The following RAD51B variants were observed in gnomAD, a reference collection of about 807,000 sequenced individuals.
RAD51B encodes DNA repair protein RAD51 homolog 2.
In RAD51B, 38 loss-of-function variants were observed where a neutral mutation model predicts 42.2. The observed-to-expected ratio is 0.90, with a 90% CI of 0.70 to 1.18. The LOEUF (loss-of-function observed/expected upper bound fraction) is 1.18, where lower values mean the gene tolerates loss of function less well. Ranked by LOEUF, RAD51B falls within the 50% of genes most tolerant of loss-of-function variation. The pLI is 0.00. For missense variants in RAD51B, 373 were observed against 400.7 expected, an observed-to-expected ratio of 0.93 and a Z score of 0.59; for synonymous variants, 154 against 145.2, an observed-to-expected ratio of 1.06 and a Z score of -0.43.
chr14:67,925,413 C>G (rs1272829547), intron 7 of RAD51B, among the ~76,000 whole-genome samples: 1 of 152,162 alleles, frequency 6.6e-6, no homozygotes, highest in Non-Finnish European at 1.5e-5. Context: ...GCCGGGACTA[C>G]AGGTGCCTGC....
At chr14:68,079,549 A>G (rs780302863) in intron 7 of RAD51B, among the ~76,000 whole-genome samples, 111 of 152,194 alleles carry the variant, frequency 7.3e-4, no homozygotes, top group Non-Finnish European at 1.5e-3. Context: ...GTAGTATATA[A>G]TATTACTAGC....
At chr14:68,095,052 T>C (rs971143885) in intron 7 of RAD51B, among the ~76,000 whole-genome samples, 1 of 152,214 alleles carries the variant, frequency 6.6e-6, no homozygotes, top group African/African-American at 2.4e-5. Flanking sequence ...CGGGTTATTT[T>C]TTATGTTGCT....
chr14:68,236,815 T>C (rs1296324245), intron 7 of RAD51B, among the ~76,000 whole-genome samples: 1 of 152,230 alleles, frequency 6.6e-6, no homozygotes, highest in Non-Finnish European at 1.5e-5. Flanking sequence ...TGCTCAGCTT[T>C]CCCTGGCTGA....
intron 8 of RAD51B, among the ~76,000 whole-genome samples, chr14:68,303,868 G>A (rs1006974461): frequency 2.0e-5 from 3 of 152,126 alleles, no homozygotes; most frequent in Non-Finnish European, 4.4e-5. Context: ...ATGACTTAAA[G>A]TACTAAATGG....
intron 10 of RAD51B, chr14:68,563,566 T>G (rs1048360994): frequency 1.0e-6 from 1 of 985,362 alleles, no homozygotes; most frequent in Admixed American, 6.1e-5. Context: ...ACCAGCCATT[T>G]CTTGTGTGCC....
chr14:67,939,786 A>G (rs1171863053), intron 7 of RAD51B, among the ~76,000 whole-genome samples: 1 of 151,618 alleles, frequency 6.6e-6, no homozygotes, highest in African/African-American at 2.4e-5. Context: ...ATCGAACCCT[A>G]ATTACCTCCC....
intron 10 of RAD51B, among the ~76,000 whole-genome samples, chr14:68,485,287 C>T (rs1264033144): frequency 6.6e-6 from 1 of 152,208 alleles, no homozygotes; most frequent in East Asian, 1.9e-4. Flanking sequence ...CACTGCTCAC[C>T]TCCAGCCCCT....
chr14:68,105,924 G>A (rs1425224847), intron 7 of RAD51B, among the ~76,000 whole-genome samples: 1 of 151,910 alleles, frequency 6.6e-6, no homozygotes, highest in African/African-American at 2.4e-5. Context: ...TGAAATAGAA[G>A]TGGGAAAAAT....
chr14:68,648,112 C>CGTGTGT (rs1555434148), intron 10 of RAD51B, among the ~76,000 whole-genome samples: 2 of 39,510 alleles, frequency 5.1e-5, no homozygotes, highest in East Asian at 2.0e-3. Context: ...TATACACACA[C>CGTGTGT]GTATATATAT....
At chr14:68,417,046 C>A (rs1277538247) in intron 9 of RAD51B, among the ~76,000 whole-genome samples, 1 of 152,100 alleles carries the variant, frequency 6.6e-6, no homozygotes. Context: ...GGCTTATATT[C>A]ATATTCACCC....
Position 68,326,995 on chromosome 14 carries a change from C to T in RAD51B, c.853+35015C>T, listed in dbSNP as rs573237058. On this transcript the variant is annotated intron_variant, in intron 8 of 10. Coordinates refer to ENST00000471583, the MANE Select transcript of RAD51B (RefSeq NM_133510.4). ...TCCTTCAAATCTCCTACCGGTGCAC[C>T]CCAGTGGCCCAACCCAGGAGAGTCC... Among the ~76,000 whole-genome samples, 3 of 152,226 alleles carry T rather than the reference C, an allele frequency of 2.0e-5. No homozygotes were observed. The South Asian group carries it at 6.2e-4, about 32-fold the overall frequency.
At chr14:67,993,441 G>A (rs972876922) in intron 7 of RAD51B, among the ~76,000 whole-genome samples, 3 of 152,180 alleles carry the variant, frequency 2.0e-5, no homozygotes, top group South Asian at 2.1e-4. Context: ...GATAACATGC[G>A]AAGTTTGTAT....
intron 7 of RAD51B, among the ~76,000 whole-genome samples, chr14:67,929,188 C>T (rs894987883): frequency 6.6e-6 from 1 of 151,894 alleles, no homozygotes; most frequent in African/African-American, 2.4e-5. Flanking sequence ...TTAGATTGTT[C>T]ATTTGAAATC....
chr14:68,631,303 C>T (rs990237863), intron 10 of RAD51B, among the ~76,000 whole-genome samples: 2 of 152,130 alleles, frequency 1.3e-5, no homozygotes, highest in African/African-American at 4.8e-5. Flanking sequence ...CACTGTGAGA[C>T]CAGAAATCAG....
At position 68,448,563 on chromosome 14, in the gene RAD51B, T is replaced by G. The variant is rs535365121; in HGVS notation, c.958-19609T>G. On this transcript the variant is annotated intron_variant, in intron 9 of 10. Coordinates refer to ENST00000471583, the MANE Select transcript of RAD51B (RefSeq NM_133510.4). ...ACTCAGTAAATATTTGTTGAATTAA[T>G]ATAACATTAAATAAATCATTCAGTT... Among the ~76,000 whole-genome samples, 7 of 152,370 alleles carry G rather than the reference T, an allele frequency of 4.6e-5. No individual in the cohort carries two copies. In the South Asian group the frequency reaches 1.4e-3, roughly 32 times the overall value.
intron 8 of RAD51B, among the ~76,000 whole-genome samples, chr14:68,327,307 G>A (rs1218946896): frequency 6.6e-6 from 1 of 151,546 alleles, no homozygotes; most frequent in African/African-American, 2.4e-5. Flanking sequence ...GGAGAGGGGT[G>A]AGGGATTGTG....
At chr14:68,508,619 G>T (rs559861423) in intron 10 of RAD51B, among the ~76,000 whole-genome samples, 14 of 152,232 alleles carry the variant, frequency 9.2e-5, no homozygotes, top group Middle Eastern at 6.8e-3. Context: ...GTCTGGAAGG[G>T]TCTCCACCCC....
chr14:68,523,211 G>T (rs991289237), intron 10 of RAD51B, among the ~76,000 whole-genome samples: 2 of 152,166 alleles, frequency 1.3e-5, no homozygotes, highest in East Asian at 3.9e-4. Flanking sequence ...AGTAGAAAGC[G>T]GATACCAGGC....
chr14:68,017,060 T>A (rs976111050), intron 7 of RAD51B, among the ~76,000 whole-genome samples: 1 of 152,172 alleles, frequency 6.6e-6, no homozygotes, highest in Non-Finnish European at 1.5e-5. Flanking sequence ...AACCCTTTCT[T>A]CATTTTCCAA....
Sources: allele counts gnomAD v4.1 joint callset (sites outside exome capture counted in the v4.1 genomes callset), GRCh38; gene constraint gnomAD v4.1.1; transcripts MANE v1.5; gene names NCBI Gene and HGNC (gene_info 2026-07-23, HGNC 2026-07-21).